The following ADGRE1 variants were observed in gnomAD, a reference collection of about 807,000 sequenced individuals.
The protein encoded by ADGRE1 is adhesion G protein-coupled receptor E1.
In ADGRE1, 82 loss-of-function variants were observed where a neutral mutation model predicts 102.7. The observed-to-expected ratio is 0.80, with a 90% CI of 0.67 to 0.96. ADGRE1 has a LOEUF of 0.96. Among genes scored for constraint, ADGRE1 ranks in the 40% least tolerant of loss-of-function variants. The pLI is 0.00. For missense variants in ADGRE1, 1,032 were observed against 1,085.3 expected (o/e 0.95, Z 0.69); for synonymous variants, 398 against 399.6 (o/e 1.00, Z 0.05).
intron 1 of ADGRE1, among the ~76,000 whole-genome samples, chr19:6,889,593 G>A (rs1332387974): frequency 6.7e-6 from 1 of 149,432 alleles, no homozygotes; most frequent in Non-Finnish European, 1.5e-5. Context: ...GGAGGCTGAG[G>A]CAGGAGAATA....
At chr19:6,912,794 C>A (rs1411744229) in intron 10 of ADGRE1, among the ~76,000 whole-genome samples, 1 of 152,154 alleles carries the variant, frequency 6.6e-6, no homozygotes, top group Non-Finnish European at 1.5e-5. Flanking sequence ...TGGACAAGAT[C>A]CTTGCACAAC....
chr19:6,901,006 C>T (rs1452369870), intron 5 of ADGRE1, among the ~76,000 whole-genome samples: 2 of 152,194 alleles, frequency 1.3e-5, no homozygotes, highest in Non-Finnish European at 2.9e-5. Flanking sequence ...GTCTTGTTGC[C>T]TCTGCCACCT....
intron 19 of ADGRE1, 52 bp from the exon 20 acceptor site, chr19:6,937,492 C>G (rs1408985770): frequency 1.3e-6 from 2 of 1,504,500 alleles, no homozygotes; most frequent in Non-Finnish European, 1.8e-6. Context: ...CACCCAACAT[C>G]CCTGTCACTG....
At chr19:6,912,920 A>G (rs999358254) in intron 10 of ADGRE1, among the ~76,000 whole-genome samples, 1 of 152,112 alleles carries the variant, frequency 6.6e-6, no homozygotes, top group Non-Finnish European at 1.5e-5. Context: ...GGTTACATCA[A>G]TTTGTCTTTC....
At chr19:6,896,934 A>G (rs2144892892) in intron 3 of ADGRE1, 1 of 567,008 alleles carries the variant, frequency 1.8e-6, no homozygotes, top group East Asian at 3.0e-5. Context: ...GTAGAACTAC[A>G]TGATATTTTT....
intron 5 of ADGRE1, chr19:6,898,013 G>T: frequency 4.9e-6 from 1 of 205,184 alleles, no homozygotes; most frequent in Non-Finnish European, 9.6e-6. Context: ...CCTGGTCACT[G>T]TAAAATTTCA....
chr19:6,928,581 T>TGAGA, intron 17 of ADGRE1: 1 of 262,766 alleles, frequency 3.8e-6, no homozygotes, highest in Non-Finnish European at 7.3e-6. Context: ...GTGAGCCAAA[T>TGAGA]TCATGCCACT....
rs1434699885 is a variant in ADGRE1 at position 6,937,634 on chromosome 19, T to C, written c.2641T>C (p.Ser881Pro). 1 of 1,614,036 alleles carries C rather than the reference T, an allele frequency of 6.2e-7. No homozygotes were observed. The highest frequency in any genetic ancestry group is 1.7e-5 in the Admixed American group (1 of 60,012). Residue 881 changes from serine (S) to proline (P), a missense_variant, in exon 20 of 21, where the codon TCC becomes CCC. Ser to Pro is a moderately conservative substitution (Grantham distance 74). Transcript: ENST00000312053. ...AAGGATCTTGCTGTCCTCCATGCCA[T>C]CCGCTTCCAAGACGGTGAGAGACTG... ...TSRILLSSMP[S>P]ASKTG
At position 6,898,376 on chromosome 19, in the gene ADGRE1, G is replaced by A. The variant is rs1205081294; in HGVS notation, c.514+829G>A. On this transcript the variant is annotated intron_variant, in intron 5 of 20. Coordinates refer to ENST00000312053, the MANE Select transcript of ADGRE1 (RefSeq NM_001974.5). The stretch of plus-strand genomic sequence containing the variant: ...TCATCCTGCAAAAACATGTCAGGGA[G>A]GTACAAGTGCAGCTGTTTAGATGGT... The A allele has an allele frequency of 3.1e-6, 5 of 1,600,244 alleles. No homozygotes were observed. The African/African-American group carries it at 6.7e-5, about 21-fold the overall frequency.
intron 17 of ADGRE1, among the ~76,000 whole-genome samples, chr19:6,933,970 AACGTACTGGATGC>A (rs1447529086): frequency 2.0e-5 from 3 of 152,120 alleles, no homozygotes; most frequent in Admixed American, 2.0e-4. Context: ...TCTATGTCCT[AACGTACTGGATGC>A]ACTTTGGGAA....
intron 12 of ADGRE1, among the ~76,000 whole-genome samples, chr19:6,918,579 A>G (rs887951361): frequency 1.3e-5 from 2 of 152,202 alleles, no homozygotes; most frequent in Non-Finnish European, 2.9e-5. Context: ...GAGACCGTCC[A>G]TATTTAAAGG....
Position 6,921,743 on chromosome 19 carries a change from G to T in ADGRE1, c.1651G>T (p.Val551Phe). 2 of 1,611,878 alleles carry T rather than the reference G, an allele frequency of 1.2e-6. No homozygotes were observed. The highest frequency in any genetic ancestry group is 2.7e-5 in the African/African-American group (2 of 74,798). ...PKQKFERPIC[V>F]SWSTDVKGGR... The stretch of plus-strand genomic sequence containing the variant: ...GCAGAAGTTTGAGAGGCCCATCTGT[G>T]TTTCCTGGAGCACTGATGTGAAGGG... The change falls in exon 14 of 21, where the codon GTT becomes TTT. Residue 551 changes from valine (V) to phenylalanine (F), a missense_variant. Physicochemically the swap from Val to Phe is conservative, Grantham distance 50. Transcript: ENST00000312053.
At chr19:6,933,329 G>C (rs114157290) in intron 17 of ADGRE1, among the ~76,000 whole-genome samples, 1 of 151,812 alleles carries the variant, frequency 6.6e-6, no homozygotes, top group Non-Finnish European at 1.5e-5. Context: ...CCCTGGGGCC[G>C]TGATTCTCCA....
intron 13 of ADGRE1, among the ~76,000 whole-genome samples, chr19:6,920,321 G>A (rs3950735): frequency 3.3e-5 from 5 of 150,990 alleles, no homozygotes; most frequent in African/African-American, 7.3e-5. Flanking sequence ...CCAGGTTCAC[G>A]CCAGTCTCCT....
intron 11 of ADGRE1, 41 bp downstream of exon 11, chr19:6,913,871 G>T (rs763332038): frequency 6.9e-7 from 1 of 1,458,716 alleles, no homozygotes; most frequent in Non-Finnish European, 9.1e-7. Context: ...CCTAGGGGAT[G>T]ATTTTGAAAG....
In ADGRE1 at chr19:6,887,616, G is replaced by T. The variant is rs147493424; in HGVS notation, c.8G>T (p.Gly3Val). The T allele has an allele frequency of 6.2e-7, 1 of 1,612,728 alleles. No homozygotes were observed. The highest frequency in any genetic ancestry group is 2.2e-5 in the East Asian group (1 of 44,770). Residue 3 changes from glycine to valine, a missense_variant, in exon 1 of 21, where the codon GGC becomes GTC. Transcript: ENST00000312053. ...TGACAGAACTACAGCATAATGCGTG[G>T]CTTCAACCTGCTCCTCTTCTGGGGT... Reference protein sequence around the residue: MRGFNLLLFWGCC... With the variant: MRVFNLLLFWGCC...
Position 6,937,277 on chromosome 19 carries a change from A to G in ADGRE1, c.2416A>G (p.Ile806Val), listed in dbSNP as rs771090270. 7.4e-6 allele frequency: 12 copies of G among 1,614,030 alleles called. No individual in the cohort carries two copies. The highest frequency in any genetic ancestry group is 1.0e-5 in the Non-Finnish European group (12 of 1,179,992). ...CTTCAAGGCCTTTGCCCAGCTCTTCATCCTGGGCTGCTCCTGGGTGCTGGG... is the reference window on the plus strand; with the variant it reads ...CTTCAAGGCCTTTGCCCAGCTCTTCGTCCTGGGCTGCTCCTGGGTGCTGGG... ...LTFKAFAQLF[I>V]LGCSWVLGIF... The change falls in exon 19 of 21, where the codon ATC becomes GTC. Residue 806 changes from isoleucine (I) to valine (V), a missense_variant. Transcript: ENST00000312053.
At chr19:6,892,898 C>A (rs1418389420) in intron 2 of ADGRE1, among the ~76,000 whole-genome samples, 1 of 152,176 alleles carries the variant, frequency 6.6e-6, no homozygotes, top group East Asian at 1.9e-4. Flanking sequence ...GGTAGTTGCC[C>A]TACTGTGCTA....
chr19:6,911,385 GTTTTTTTT>G (rs772959056), intron 10 of ADGRE1, among the ~76,000 whole-genome samples: 1 of 79,844 alleles, frequency 1.3e-5, no homozygotes, highest in Non-Finnish European at 2.3e-5. Flanking sequence ...ATTCCTTTTA[GTTTTTTTT>G]TTTTTTTTTT....
Sources: gnomAD v4.1 joint callset for allele counts (sites outside exome capture counted in the v4.1 genomes callset) on GRCh38, gnomAD v4.1.1 for gene constraint, MANE v1.5 for transcripts, NCBI Gene and HGNC (gene_info 2026-07-23, HGNC 2026-07-21) for gene names.